NIBAN1: variants seen among roughly 807,000 people sequenced by gnomAD.
NIBAN1 encodes niban apoptosis regulator 1.
Under a neutral mutation model 75.1 loss-of-function variants are expected in NIBAN1, and 81 were observed. That is an observed-to-expected ratio of 1.08 (90% CI 0.90 to 1.30). The LOEUF is 1.30. NIBAN1 is among the 50% of genes most tolerant of loss of function. NIBAN1 has a pLI of 0.00. For synonymous variants in NIBAN1, 436 were observed against 424.8 expected (o/e 1.03, Z -0.32); for missense variants, 1,133 against 1,128.1 (o/e 1.00, Z -0.06).
At chr1:184,852,410 G>A (rs1485314293) in intron 5 of NIBAN1, among the ~76,000 whole-genome samples, 1 of 152,198 alleles carries the variant, frequency 6.6e-6, no homozygotes, top group Non-Finnish European at 1.5e-5. Context: ...CAGATGGACT[G>A]GTGCCCCACT....
At chr1:184,862,750 G>T (rs1210306821) in intron 5 of NIBAN1, among the ~76,000 whole-genome samples, 1 of 151,934 alleles carries the variant, frequency 6.6e-6, no homozygotes, top group East Asian at 1.9e-4. Context: ...CCCTTTTGTG[G>T]TCATATGAGA....
At chr1:184,945,035 A>G (rs774514738) in intron 1 of NIBAN1, among the ~76,000 whole-genome samples, 5 of 152,234 alleles carry the variant, frequency 3.3e-5, no homozygotes, top group Non-Finnish European at 5.9e-5. Context: ...TTAACAAACT[A>G]TCTGGCCAAA....
intron 1 of NIBAN1, among the ~76,000 whole-genome samples, chr1:184,907,867 C>T (rs576608127): frequency 6.6e-6 from 1 of 152,262 alleles, no homozygotes; most frequent in South Asian, 2.1e-4. Flanking sequence ...GCAGCCTACC[C>T]TGTAGAAATC....
intron 1 of NIBAN1, among the ~76,000 whole-genome samples, chr1:184,971,643 T>C (rs1318783840): frequency 6.6e-6 from 1 of 151,920 alleles, no homozygotes; most frequent in Non-Finnish European, 1.5e-5. Flanking sequence ...ACACTCCAGC[T>C]TGGTGACAGA....
At chr1:184,889,947 A>G (rs940898327) in intron 4 of NIBAN1, among the ~76,000 whole-genome samples, 161 bp downstream of exon 4, 3 of 152,162 alleles carry the variant, frequency 2.0e-5, no homozygotes, top group African/African-American at 7.2e-5. Context: ...TATTCACTAA[A>G]TGCCATAGCA....
intron 1 of NIBAN1, among the ~76,000 whole-genome samples, chr1:184,912,216 T>G (rs1657259860): frequency 6.6e-6 from 1 of 152,200 alleles, no homozygotes; most frequent in Non-Finnish European, 1.5e-5. Flanking sequence ...TTATTTTAAC[T>G]GTTATTTATA....
intron 1 of NIBAN1, among the ~76,000 whole-genome samples, chr1:184,929,474 A>C (rs1165385382): frequency 6.6e-6 from 1 of 152,224 alleles, no homozygotes; most frequent in East Asian, 1.9e-4. Context: ...TTGTCCTTTG[A>C]CCATGTGAGA....
chr1:184,893,104 A>G (rs974668626), intron 3 of NIBAN1, among the ~76,000 whole-genome samples: 1 of 152,146 alleles, frequency 6.6e-6, no homozygotes, highest in Non-Finnish European at 1.5e-5. Flanking sequence ...GAGGCCAGAG[A>G]GCAGAGTTTT....
Position 184,808,092 on chromosome 1 carries a change from T to C in NIBAN1, c.1317A>G (p.Thr439=). The C allele has an allele frequency of 1.2e-6, 2 of 1,613,956 alleles. No individual in the cohort carries two copies. Among genetic ancestry groups the C allele is most frequent in the Non-Finnish European group, 1.7e-6 (2 of 1,179,910 alleles). The part of the protein sequence containing the change: ...FPHIDLVVQR[T]QNYMQELMEN... Reference sequence around the variant, plus strand: ...CACCCACCTCCTGCATGTAGTTCTGTGTCCTCTGAACCACCAGATCAATGT... The same window carrying C: ...CACCCACCTCCTGCATGTAGTTCTGCGTCCTCTGAACCACCAGATCAATGT... The change falls in exon 10 of 14, where the codon ACA becomes ACG. Residue 439 remains threonine, a synonymous_variant. Coordinates refer to ENST00000367511, the MANE Select transcript of NIBAN1 (RefSeq NM_052966.4).
chr1:184,825,280 T>C (rs543143663), intron 6 of NIBAN1, among the ~76,000 whole-genome samples: 13 of 152,206 alleles, frequency 8.5e-5, no homozygotes, highest in Non-Finnish European at 8.8e-5. Context: ...AAGATTTCAC[T>C]GGGTTTTATA....
chr1:184,916,776 A>T (rs1407838460), intron 1 of NIBAN1, among the ~76,000 whole-genome samples: 1 of 152,244 alleles, frequency 6.6e-6, no homozygotes, highest in East Asian at 1.9e-4. Context: ...ACTATGCCTG[A>T]TCCATAACAT....
intron 1 of NIBAN1, among the ~76,000 whole-genome samples, chr1:184,937,934 G>A (rs1658003011): frequency 6.6e-6 from 1 of 152,236 alleles, no homozygotes; most frequent in South Asian, 2.1e-4. Context: ...GACTGCGGGA[G>A]CTTGACAGAG....
chr1:184,939,338 T>C (rs1185711365), intron 1 of NIBAN1, among the ~76,000 whole-genome samples: 2 of 152,198 alleles, frequency 1.3e-5, no homozygotes, highest in African/African-American at 2.4e-5. Flanking sequence ...CAGAGACAAC[T>C]GCATAAACCA....
intron 1 of NIBAN1, among the ~76,000 whole-genome samples, chr1:184,920,344 A>G (rs984045975): frequency 1.3e-5 from 2 of 152,216 alleles, no homozygotes; most frequent in African/African-American, 4.8e-5. Flanking sequence ...AAATCAGGGT[A>G]ATTACCATAC....
intron 2 of NIBAN1, among the ~76,000 whole-genome samples, chr1:184,896,104 A>C (rs1475075269): frequency 2.0e-5 from 3 of 152,196 alleles, no homozygotes; most frequent in African/African-American, 7.2e-5. Flanking sequence ...GTCGAATGAT[A>C]GTTCTTTTTT....
chr1:184,833,007 T>C (rs1375875628), intron 5 of NIBAN1, among the ~76,000 whole-genome samples: 1 of 151,576 alleles, frequency 6.6e-6, no homozygotes, highest in Admixed American at 6.6e-5. Context: ...AAGGGCAAAG[T>C]GAAGTGAGTG....
chr1:184,844,710 G>GT (rs1437549985), intron 5 of NIBAN1, among the ~76,000 whole-genome samples: 1 of 152,180 alleles, frequency 6.6e-6, no homozygotes, highest in African/African-American at 2.4e-5. Flanking sequence ...AACTACTGCA[G>GT]TTTACCCTTG....
intron 2 of NIBAN1, among the ~76,000 whole-genome samples, chr1:184,895,611 G>T (rs1192959573): frequency 2.6e-5 from 4 of 151,956 alleles, no homozygotes; most frequent in East Asian, 3.9e-4. Flanking sequence ...TTCTTACATG[G>T]GTATTACGTG....
At chr1:184,817,913 A>G (rs1392913950) in intron 9 of NIBAN1, among the ~76,000 whole-genome samples, 3 of 152,240 alleles carry the variant, frequency 2.0e-5, no homozygotes. Context: ...GAATGTTCAA[A>G]CTGCGTTCAA....
Sources: gnomAD v4.1 joint callset for allele counts (sites outside exome capture counted in the v4.1 genomes callset) on GRCh38, gnomAD v4.1.1 for gene constraint, MANE v1.5 for transcripts, NCBI Gene and HGNC (gene_info 2026-07-23, HGNC 2026-07-21) for gene names.